The following SHISA9 variants were observed in gnomAD, a reference collection of about 807,000 sequenced individuals.
SHISA9 encodes protein shisa-9.
A neutral mutation model predicts 38.0 loss-of-function variants in SHISA9; 13 were observed. The ratio of observed to expected loss-of-function variants is 0.34; its 90% CI spans 0.22 to 0.54. The LOEUF (loss-of-function observed/expected upper bound fraction) is 0.54, where lower values mean the gene tolerates loss of function less well. SHISA9 is among the 20% of genes least tolerant of loss of function. The probability of loss-of-function intolerance (pLI) is 0.91; values close to 1 mark genes in which losing one functional copy is unlikely to be tolerated. For missense variants in SHISA9, 538 were observed against 575.8 expected (o/e 0.93, Z 0.67); for synonymous variants, 275 against 242.0 (o/e 1.14, Z -1.27).
the SHISA9 span, among the ~76,000 whole-genome samples, chr16:13,556,456 C>T: frequency 6.6e-6 from 1 of 151,974 alleles, no homozygotes; most frequent in Non-Finnish European, 1.5e-5. Flanking sequence ...GTCAGGAGAT[C>T]GAGACCATCC....
intron 2 of SHISA9, among the ~76,000 whole-genome samples, chr16:12,960,699 A>C (rs1286340505): frequency 6.6e-6 from 1 of 152,178 alleles, no homozygotes; most frequent in African/African-American, 2.4e-5. Context: ...TCTCACTTTT[A>C]AGTGGGAGCT....
the SHISA9 span, among the ~76,000 whole-genome samples, chr16:13,377,007 AT>A: frequency 6.6e-6 from 1 of 152,180 alleles, no homozygotes; most frequent in Non-Finnish European, 1.5e-5. Flanking sequence ...AAAAAGACAG[AT>A]TCCCTAAAGG....
intron 2 of SHISA9, among the ~76,000 whole-genome samples, chr16:13,068,641 T>C (rs545791116): frequency 1.2e-4 from 18 of 152,300 alleles, no homozygotes; most frequent in African/African-American, 4.1e-4. Flanking sequence ...GTTTTCTGAA[T>C]CCCAACAAGT....
At chr16:13,077,480 C>G (rs1296982710) in intron 2 of SHISA9, among the ~76,000 whole-genome samples, 4 of 152,114 alleles carry the variant, frequency 2.6e-5, no homozygotes, top group South Asian at 4.2e-4. Context: ...CTGGCCCAAT[C>G]AGGAATGGCC....
At chr16:12,924,707 G>A (rs2071371922) in intron 2 of SHISA9, among the ~76,000 whole-genome samples, 1 of 152,066 alleles carries the variant, frequency 6.6e-6, no homozygotes, top group Non-Finnish European at 1.5e-5. Flanking sequence ...TCAAGAAATT[G>A]GTTTTTCTCT....
the SHISA9 span, among the ~76,000 whole-genome samples, chr16:13,295,994 T>C: frequency 2.1e-4 from 32 of 152,290 alleles, 1 homozygote; most frequent in East Asian, 6.0e-3. Flanking sequence ...GTCTATTAGC[T>C]AGAAAACGGG....
At chr16:13,181,250 T>C (rs915837937) in intron 2 of SHISA9, among the ~76,000 whole-genome samples, 1 of 140,012 alleles carries the variant, frequency 7.1e-6, no homozygotes, top group African/African-American at 2.6e-5. Context: ...CAAGAAAGTC[T>C]TTCCTAAAAT....
the SHISA9 span, among the ~76,000 whole-genome samples, chr16:13,423,837 CA>C: frequency 1.3e-5 from 2 of 152,142 alleles, no homozygotes; most frequent in Non-Finnish European, 2.9e-5. Context: ...AGCTGTCAAC[CA>C]AAGGCTGCTC....
chr16:13,538,118 A>G, the SHISA9 span, among the ~76,000 whole-genome samples: 2 of 152,172 alleles, frequency 1.3e-5, no homozygotes, highest in South Asian at 2.1e-4. Flanking sequence ...TCTGCGATCT[A>G]CTAGAAAGAG....
the SHISA9 span, among the ~76,000 whole-genome samples, chr16:13,501,201 G>A: frequency 1.3e-5 from 2 of 152,146 alleles, no homozygotes; most frequent in African/African-American, 2.4e-5. Context: ...TGAGGGTAGG[G>A]GGAAGTGCAA....
intron 1 of SHISA9, among the ~76,000 whole-genome samples, chr16:12,916,250 C>T (rs180911791): frequency 9.4e-4 from 143 of 152,152 alleles, no homozygotes; most frequent in African/African-American, 3.3e-3. Flanking sequence ...TTAGTTAAGA[C>T]GTAATGCGAT....
At chr16:13,466,667 C>T in the SHISA9 span, among the ~76,000 whole-genome samples, 1 of 152,158 alleles carries the variant, frequency 6.6e-6, no homozygotes, top group Non-Finnish European at 1.5e-5. Context: ...GTATTTCCAC[C>T]TATTTTGTTA....
the SHISA9 span, among the ~76,000 whole-genome samples, chr16:13,427,897 A>G: frequency 6.6e-6 from 1 of 152,246 alleles, no homozygotes; most frequent in Admixed American, 6.5e-5. Flanking sequence ...CAGTAGTCCT[A>G]GAGTTCTACA....
At chr16:13,402,547 C>G in the SHISA9 span, among the ~76,000 whole-genome samples, 4 of 142,548 alleles carry the variant, frequency 2.8e-5, no homozygotes, top group African/African-American at 7.9e-5. Context: ...CAGAGTCTCA[C>G]TCTGTCACCC....
At chr16:13,532,474 G>T in the SHISA9 span, among the ~76,000 whole-genome samples, 1 of 152,096 alleles carries the variant, frequency 6.6e-6, no homozygotes, top group Non-Finnish European at 1.5e-5. Context: ...CCAAGCTGCT[G>T]CCCTGTGGCC....
the SHISA9 span, among the ~76,000 whole-genome samples, chr16:13,402,948 C>T: frequency 6.6e-6 from 1 of 152,160 alleles, no homozygotes; most frequent in Admixed American, 6.5e-5. Flanking sequence ...CAAACCCCGT[C>T]TCTACTAAAA....
the SHISA9 span, among the ~76,000 whole-genome samples, chr16:13,258,658 A>T: frequency 6.6e-6 from 1 of 152,218 alleles, no homozygotes; most frequent in African/African-American, 2.4e-5. Flanking sequence ...CCTCAGAATC[A>T]TGGTGGGAGG....
chr16:12,991,784 C>G (rs1265324307), intron 2 of SHISA9, among the ~76,000 whole-genome samples: 1 of 151,980 alleles, frequency 6.6e-6, no homozygotes. Context: ...AAGCATCCAC[C>G]TTGTAGCACT....
At chr16:13,215,162 C>G (rs542857557) in intron 4 of SHISA9, among the ~76,000 whole-genome samples, 1 of 152,204 alleles carries the variant, frequency 6.6e-6, no homozygotes, top group African/African-American at 2.4e-5. Flanking sequence ...GGGGAGGGAT[C>G]ATGAGACCAA....
Sources: gnomAD v4.1 joint callset for allele counts (sites outside exome capture counted in the v4.1 genomes callset) on GRCh38, gnomAD v4.1.1 for gene constraint, MANE v1.5 for transcripts, NCBI Gene and HGNC (gene_info 2026-07-23, HGNC 2026-07-21) for gene names.